FRAS1: variants seen among roughly 807,000 people sequenced by gnomAD.
The protein encoded by FRAS1 is Fraser extracellular matrix complex subunit 1.
Under a neutral mutation model 435.2 loss-of-function variants are expected in FRAS1, and 290 were observed. That is an observed-to-expected ratio of 0.67 (90% CI 0.61 to 0.73). The LOEUF is 0.73. Ranked by LOEUF, FRAS1 falls within the 30% of genes least tolerant of loss-of-function variation. The pLI, the probability that FRAS1 is intolerant of heterozygous loss-of-function variation, is 0.00. For missense variants in FRAS1, 4,860 were observed against 5,001.5 expected, an observed-to-expected ratio of 0.97 and a Z score of 0.85; for synonymous variants, 1,800 against 1,851.0, an observed-to-expected ratio of 0.97 and a Z score of 0.71.
intron 2 of FRAS1, among the ~76,000 whole-genome samples, chr4:78,197,588 G>A (rs1323249539): frequency 6.6e-6 from 1 of 152,266 alleles, no homozygotes; most frequent in East Asian, 1.9e-4. Flanking sequence ...GCTTGTTTCA[G>A]ATACATAGAG....
At chr4:78,184,071 G>A (rs1052283722) in intron 2 of FRAS1, among the ~76,000 whole-genome samples, 7 of 152,184 alleles carry the variant, frequency 4.6e-5, no homozygotes, top group Non-Finnish European at 7.4e-5. Context: ...TCTACGTCCC[G>A]TATGATTGTG....
intron 20 of FRAS1, among the ~76,000 whole-genome samples, chr4:78,357,780 A>G (rs1730916733): frequency 6.6e-6 from 1 of 152,162 alleles, no homozygotes; most frequent in African/African-American, 2.4e-5. Context: ...GTACACACCT[A>G]TAGGTCCAGC....
intron 41 of FRAS1, among the ~76,000 whole-genome samples, chr4:78,444,637 C>A (rs1049131851): frequency 1.1e-4 from 16 of 152,172 alleles, no homozygotes; most frequent in Admixed American, 5.9e-4. Context: ...ATTGTGATGA[C>A]AATTTCAAAT....
intron 2 of FRAS1, among the ~76,000 whole-genome samples, chr4:78,235,669 C>A (rs1451355913): frequency 6.6e-6 from 1 of 152,332 alleles, no homozygotes; most frequent in Non-Finnish European, 1.5e-5. Context: ...TGTGACAGAG[C>A]CAGGCTCAGT....
intron 6 of FRAS1, among the ~76,000 whole-genome samples, chr4:78,261,669 T>C (rs1440106892): frequency 6.6e-6 from 1 of 151,660 alleles, no homozygotes; most frequent in Non-Finnish European, 1.5e-5. Flanking sequence ...AGAAAAAATC[T>C]GAACAAATAC....
Position 78,307,627 on chromosome 4 carries a change from G to A in FRAS1, c.1535-439G>A, listed in dbSNP as rs939706736. Reference sequence around the variant, plus strand: ...GGAGTGACCCGATTTTCCAGGTGCCGTCTGTCACCCCTGTCTTTCACTAGG... The same window carrying A: ...GGAGTGACCCGATTTTCCAGGTGCCATCTGTCACCCCTGTCTTTCACTAGG... On this transcript the variant is annotated intron_variant, in intron 14 of 73. Coordinates refer to ENST00000512123, the MANE Select transcript of FRAS1 (RefSeq NM_025074.7). 9.9e-5 allele frequency among the ~76,000 whole-genome samples: 15 copies of A among 152,208 alleles called. 1 individual carries two copies. Among genetic ancestry groups the A allele is most frequent in the Admixed American group, 7.2e-4 (11 of 15,286 alleles).
intron 47 of FRAS1, among the ~76,000 whole-genome samples, chr4:78,455,428 G>GGC (rs1353565599): frequency 1.3e-5 from 2 of 151,166 alleles, no homozygotes; most frequent in Non-Finnish European, 3.0e-5. Context: ...GGAGGGAGGG[G>GGC]GTTCTGTTAT....
intron 2 of FRAS1, among the ~76,000 whole-genome samples, chr4:78,162,137 G>C (rs2110025621): frequency 6.6e-6 from 1 of 152,258 alleles, no homozygotes. Flanking sequence ...CTTGATGTGT[G>C]TCTTGTCTTG....
At chr4:78,434,310 T>C (rs1487887779) in intron 38 of FRAS1, among the ~76,000 whole-genome samples, 1 of 152,204 alleles carries the variant, frequency 6.6e-6, no homozygotes, top group African/African-American at 2.4e-5. Context: ...ATATACACAG[T>C]TTGCTATGCA....
intron 6 of FRAS1, among the ~76,000 whole-genome samples, chr4:78,258,544 A>T (rs1395332504): frequency 1.3e-5 from 2 of 150,908 alleles, no homozygotes; most frequent in Non-Finnish European, 2.9e-5. Context: ...ATGGAGGAGA[A>T]ATCTGAGGTT....
At chr4:78,178,100 C>T (rs1414372502) in intron 2 of FRAS1, among the ~76,000 whole-genome samples, 1 of 152,190 alleles carries the variant, frequency 6.6e-6, no homozygotes, top group East Asian at 1.9e-4. Flanking sequence ...CAGGCAGCTC[C>T]TGGCCTCCTA....
chr4:78,518,121 A>AAAAC lies in FRAS1; in HGVS notation c.10390-1182_10390-1179dup, dbSNP rs71661172. Among the ~76,000 whole-genome samples, 778 of 149,680 alleles carry AAAAC rather than the reference A, an allele frequency of 5.2e-3. 8 individuals carry two copies. The highest frequency in any genetic ancestry group is 0.018 in the African/African-American group (710 of 40,394). On this transcript the variant is annotated intron_variant, in intron 66 of 73. Transcript: ENST00000512123. ...TACAGAGAGAGACCCCATCTCTTGA[A>AAAAC]AAACAAACAAACAAACAAACAAACA...
At chr4:78,450,526 T>C (rs1244944789) in intron 45 of FRAS1, 187 bp downstream of exon 45, 2 of 579,698 alleles carry the variant, frequency 3.5e-6, no homozygotes, top group Non-Finnish European at 6.1e-6. Context: ...CCTATCTTTC[T>C]TGGTTGAAAT....
At chr4:78,466,706 A>G (rs946705192) in intron 50 of FRAS1, among the ~76,000 whole-genome samples, 7 of 152,188 alleles carry the variant, frequency 4.6e-5, no homozygotes, top group African/African-American at 1.7e-4. Flanking sequence ...AAATGGTGAT[A>G]GTTCTTGTTG....
chr4:78,167,195 G>A (rs1296177759), intron 2 of FRAS1, among the ~76,000 whole-genome samples: 1 of 152,092 alleles, frequency 6.6e-6, no homozygotes, highest in Non-Finnish European at 1.5e-5. Context: ...CATTAATCTT[G>A]GTGCAAATTA....
rs184523215 is a variant in FRAS1 at position 78,496,556 on chromosome 4, T to C, written c.8959-249T>C. On this transcript the variant is annotated intron_variant, in intron 59 of 73. Coordinates refer to ENST00000512123, the MANE Select transcript of FRAS1 (RefSeq NM_025074.7). The stretch of plus-strand genomic sequence containing the variant: ...GTTCTTTGTTTTGTTGATCTTGTTT[T>C]TCATAATTCATCACCAATAATTAAA... 3.1e-3 allele frequency among the ~76,000 whole-genome samples: 471 copies of C among 152,352 alleles called. 1 individual carries two copies. Among genetic ancestry groups the C allele is most frequent in the South Asian group, 6.8e-3 (33 of 4,832 alleles).
intron 8 of FRAS1, 45 bp from the exon 9 acceptor site, chr4:78,267,196 A>G (rs749987487): frequency 4.4e-6 from 7 of 1,584,082 alleles, no homozygotes; most frequent in Non-Finnish European, 6.0e-6. Context: ...TGGGTGTTTC[A>G]CCGTCTCCTG....
chr4:78,537,959 A>G (rs11932925), intron 72 of FRAS1, among the ~76,000 whole-genome samples: 1,537 of 107,806 alleles, frequency 0.014, 24 homozygotes, highest in African/African-American at 0.043. Flanking sequence ...AAAAAAAAAG[A>G]AAAAAAAAAG....
chr4:78,199,199 G>C (rs1284042675), intron 2 of FRAS1, among the ~76,000 whole-genome samples: 1 of 152,210 alleles, frequency 6.6e-6, no homozygotes, highest in Admixed American at 6.5e-5. Context: ...CATTCCTCTT[G>C]GGACTGCAGT....
Sources: gnomAD v4.1 joint callset for allele counts (sites outside exome capture counted in the v4.1 genomes callset) on GRCh38, gnomAD v4.1.1 for gene constraint, MANE v1.5 for transcripts, NCBI Gene and HGNC (gene_info 2026-07-23, HGNC 2026-07-21) for gene names.